ESRRG: variants seen among roughly 807,000 people sequenced by gnomAD.
ESRRG encodes the protein estrogen related receptor gamma, also known as estrogen-related receptor gamma.
In ESRRG, 13 loss-of-function variants were observed where a neutral mutation model predicts 44.0. The observed-to-expected ratio is 0.30, with a 90% CI of 0.19 to 0.47. The LOEUF is 0.47. Ranked by LOEUF, ESRRG falls within the 20% of genes least tolerant of loss-of-function variation. The pLI, the probability that ESRRG is intolerant of heterozygous loss-of-function variation, is 1.00. For synonymous variants in ESRRG, 215 were observed against 214.6 expected (o/e 1.00, Z -0.02); for missense variants, 395 against 580.6 (o/e 0.68, Z 3.29).
chr1:216,669,860 T>C (rs2074788344), intron 2 of ESRRG, among the ~76,000 whole-genome samples: 1 of 151,600 alleles, frequency 6.6e-6, no homozygotes, highest in Admixed American at 6.6e-5. Context: ...CACTTTAGCC[T>C]GGGTAACAGA....
chr1:216,750,767 T>TTA lies in ESRRG; in HGVS notation c.-13-73277_-13-73276insTA, dbSNP rs1553568067. On this transcript the variant is annotated intron_variant, in intron 2 of 7. Coordinates refer to the ESRRG transcript ENST00000359162. ...CTAAAGAGAGTTATTTACCTTTTTT[T>TTA]AAAAAAAAACTCAAAGCCATAACAA... 2.9e-4 allele frequency among the ~76,000 whole-genome samples: 44 copies of TTA among 150,876 alleles called. 1 individual carries two copies. The highest frequency in any genetic ancestry group is 4.2e-4 in the South Asian group (2 of 4,728).
At chr1:216,658,848 A>G (rs867046749) in intron 2 of ESRRG, among the ~76,000 whole-genome samples, 1 of 125,090 alleles carries the variant, frequency 8.0e-6, no homozygotes, top group African/African-American at 3.3e-5. Flanking sequence ...AAGAAAGTAA[A>G]AGAAGAGAAG....
At chr1:216,714,909 A>G (rs142163745) in intron 1 of ESRRG, among the ~76,000 whole-genome samples, 2 of 152,336 alleles carry the variant, frequency 1.3e-5, no homozygotes, top group Admixed American at 1.3e-4. Flanking sequence ...TTTCTAGAGC[A>G]TAAGAGAAAT....
chr1:216,955,885 A>C (rs1289848014), intron 1 of ESRRG, among the ~76,000 whole-genome samples: 2 of 151,940 alleles, frequency 1.3e-5, no homozygotes, highest in Non-Finnish European at 2.9e-5. Context: ...GCCCATTTCT[A>C]ATTGAATTAT....
At chr1:217,042,145 T>C (rs1000764534) in intron 1 of ESRRG, among the ~76,000 whole-genome samples, 4 of 152,236 alleles carry the variant, frequency 2.6e-5, no homozygotes. Flanking sequence ...GAATTATTTA[T>C]ATTATGGATA....
chr1:216,720,506 T>C (rs917778570), intron 1 of ESRRG, among the ~76,000 whole-genome samples: 1 of 152,110 alleles, frequency 6.6e-6, no homozygotes, highest in African/African-American at 2.4e-5. Flanking sequence ...ACATCTAAAG[T>C]GACTTGGCCA....
chr1:216,562,647 G>A (rs1438847627), intron 5 of ESRRG, among the ~76,000 whole-genome samples: 1 of 152,078 alleles, frequency 6.6e-6, no homozygotes, highest in African/African-American at 2.4e-5. Context: ...AGCCCCTCAT[G>A]ACAATTATCT....
At chr1:216,798,550 A>G (rs1267037134) in intron 2 of ESRRG, among the ~76,000 whole-genome samples, 1 of 152,178 alleles carries the variant, frequency 6.6e-6, no homozygotes, top group Non-Finnish European at 1.5e-5. Context: ...CATCAACAGC[A>G]GGGCAGTGTC....
chr1:216,991,827 T>C (rs1392054675), intron 1 of ESRRG, among the ~76,000 whole-genome samples: 2 of 152,190 alleles, frequency 1.3e-5, no homozygotes, highest in Non-Finnish European at 2.9e-5. Flanking sequence ...ATTCTGCAAA[T>C]AAGCATGAAT....
intron 1 of ESRRG, among the ~76,000 whole-genome samples, chr1:217,060,685 T>A (rs2088192096): frequency 6.6e-6 from 1 of 152,042 alleles, no homozygotes; most frequent in Non-Finnish European, 1.5e-5. Context: ...CCTAAGATTT[T>A]TGCCTTTTCA....
At chr1:217,119,019 A>G (rs928072513) in intron 1 of ESRRG, among the ~76,000 whole-genome samples, 3 of 150,786 alleles carry the variant, frequency 2.0e-5, no homozygotes, top group African/African-American at 7.3e-5. Flanking sequence ...AGATAGATAG[A>G]TAGATAGATA....
At chr1:216,683,111 A>G (rs1353881773) in intron 1 of ESRRG, among the ~76,000 whole-genome samples, 1 of 152,190 alleles carries the variant, frequency 6.6e-6, no homozygotes, top group African/African-American at 2.4e-5. Context: ...TGCTTTGACA[A>G]CTGCTGGGTC....
At chr1:216,525,522 G>C (rs1268949501) in intron 5 of ESRRG, among the ~76,000 whole-genome samples, 1 of 70,990 alleles carries the variant, frequency 1.4e-5, no homozygotes, top group African/African-American at 2.0e-4. Context: ...GCTGCCTTAA[G>C]TTAAAGAGGG....
chr1:216,715,789 A>G (rs1242699315), intron 1 of ESRRG, among the ~76,000 whole-genome samples: 1 of 152,018 alleles, frequency 6.6e-6, no homozygotes, highest in African/African-American at 2.4e-5. Flanking sequence ...ATTTTAACTC[A>G]CATTGTGAGT....
At position 216,600,869 on chromosome 1, in the gene ESRRG, C is replaced by G. The variant is rs79024187; in HGVS notation, c.590-32771G>C. 1.1e-4 allele frequency among the ~76,000 whole-genome samples: 17 copies of G among 152,320 alleles called. No homozygotes were observed. In the East Asian group the frequency reaches 3.1e-3, roughly 28 times the overall value. On this transcript the variant is annotated intron_variant, in intron 3 of 6. Transcript: ENST00000408911. ...ACAGCGGGTCACAGGACACAACCGC[C>G]GCGCTCTGGTTGGACGCAGGCTGCA...
chr1:216,859,830 T>G (rs1308680123), intron 2 of ESRRG, among the ~76,000 whole-genome samples: 1 of 152,176 alleles, frequency 6.6e-6, no homozygotes, highest in Non-Finnish European at 1.5e-5. Flanking sequence ...ATCCAACATA[T>G]GAGAAGATAG....
chr1:216,562,395 T>G (rs549784620), intron 5 of ESRRG, among the ~76,000 whole-genome samples: 245 of 152,248 alleles, frequency 1.6e-3, no homozygotes, highest in Non-Finnish European at 2.9e-3. Flanking sequence ...GTGCAAGTGT[T>G]TTTTACCTCT....
intron 3 of ESRRG, among the ~76,000 whole-genome samples, chr1:216,646,054 A>C (rs2067507893): frequency 6.6e-6 from 1 of 151,902 alleles, no homozygotes; most frequent in Non-Finnish European, 1.5e-5. Flanking sequence ...TTTCAAGACA[A>C]AGGAGTAAGT....
intron 2 of ESRRG, among the ~76,000 whole-genome samples, chr1:216,795,889 T>C (rs1177178485): frequency 1.3e-5 from 2 of 152,034 alleles, no homozygotes; most frequent in African/African-American, 2.4e-5. Flanking sequence ...AGGGTAGTAA[T>C]TGATCAAGAG....
Sources: gnomAD v4.1 joint callset for allele counts (sites outside exome capture counted in the v4.1 genomes callset) on GRCh38, gnomAD v4.1.1 for gene constraint, MANE v1.5 for transcripts, NCBI Gene and HGNC (gene_info 2026-07-23, HGNC 2026-07-21) for gene names.